Variants in HCRTR1 observed in about 807,000 individuals in gnomAD.
HCRTR1 encodes the protein orexin/Hypocretin receptor type 1.
A neutral mutation model predicts 40.6 loss-of-function variants in HCRTR1; 28 were observed. That is an observed-to-expected ratio of 0.69 (90% CI 0.51 to 0.95). HCRTR1 has a LOEUF of 0.95. Ranked by LOEUF, HCRTR1 falls within the 40% of genes least tolerant of loss-of-function variation. The pLI, the probability that HCRTR1 is intolerant of heterozygous loss-of-function variation, is 0.00. For missense variants in HCRTR1, 482 were observed against 564.7 expected (o/e 0.85, Z 1.48); for synonymous variants, 209 against 230.0 (o/e 0.91, Z 0.83).
chr1:31,619,327 T>G lies in HCRTR1; in HGVS notation c.135T>G (p.Tyr45Ter), dbSNP rs753494411. ...GCGATTATCTGTACCCAAAACAGTATGAGTGGGTCCTCATCGCAGCCTATG... is the reference window on the plus strand; with the variant it reads ...GCGATTATCTGTACCCAAAACAGTAGGAGTGGGTCCTCATCGCAGCCTATG... ...LWRDYLYPKQ[Y>*]EWVLIAAYVA... Residue 45 changes from tyrosine to a stop codon, truncating the protein, a stop_gained, in exon 3 of 9, where the codon TAT becomes TAG. Transcript: ENST00000403528. LOFTEE classifies it high-confidence loss of function. 4 of 1,614,228 alleles carry G rather than the reference T, an allele frequency of 2.5e-6. No individual in the cohort carries two copies. The highest frequency in any genetic ancestry group is 2.5e-6 in the Non-Finnish European group (3 of 1,180,036).
chr1:31,633,547 A>T (rs1021936632), downstream of HCRTR1, among the ~76,000 whole-genome samples: 16 of 152,176 alleles, frequency 1.1e-4, no homozygotes, highest in Non-Finnish European at 2.1e-4. Context: ...AGTGTTCCAG[A>T]CACTACTCTT....
chr1:31,620,579 C>A (rs1216754514), intron 4 of HCRTR1, among the ~76,000 whole-genome samples: 1 of 152,214 alleles, frequency 6.6e-6, no homozygotes, highest in Admixed American at 6.5e-5. Context: ...GAGGGGTGCA[C>A]CTACCATGTG....
At position 31,626,324 on chromosome 1, in the gene HCRTR1, C is replaced by T. The variant is rs919390685; in HGVS notation, c.1088-466C>T. On this transcript the variant is annotated intron_variant, in intron 8 of 8. Coordinates refer to ENST00000403528, the MANE Select transcript of HCRTR1 (RefSeq NM_001525.3). The surrounding 1 kb of genome is among the most constrained non-coding windows in gnomAD (Gnocchi z 4.6). ...TGAAGTGAGGATAAAGGACTCCAGC[C>T]TTTCAGGGTGCTGGGATGCTCTGGC... 3.9e-5 allele frequency among the ~76,000 whole-genome samples: 6 copies of T among 152,218 alleles called. No individual in the cohort carries two copies. The highest frequency in any genetic ancestry group is 5.9e-5 in the Non-Finnish European group (4 of 68,052).
downstream of HCRTR1, chr1:31,632,224 C>T: frequency 1.6e-6 from 1 of 632,126 alleles, no homozygotes; most frequent in Non-Finnish European, 2.9e-6. Flanking sequence ...AAGTTTCCAT[C>T]CTTAAGGCTC....
At position 31,621,077 on chromosome 1, in the gene HCRTR1, C is replaced by T. The variant is rs1295959296; in HGVS notation, c.613C>T (p.Arg205Cys). The change falls in exon 5 of 9, where the codon CGC (arginine) becomes TGC (cysteine). Residue 205 changes from arginine (R) to cysteine (C), a missense_variant. Physicochemically the swap from Arg to Cys is radical, Grantham distance 180 (BLOSUM62 -3). Transcript: ENST00000403528. Reference sequence around the variant, plus strand: ...ACGGCTCTTCTCAGTCTGTGATGAACGCTGGGCAGGTAATGGTGGAAGCCT... The same window carrying T: ...ACGGCTCTTCTCAGTCTGTGATGAATGCTGGGCAGGTAATGGTGGAAGCCT... ...RTRLFSVCDE[R>C]WADDLYPKIY... The T allele has an allele frequency of 6.9e-6, 11 of 1,604,640 alleles. No homozygotes were observed. Among genetic ancestry groups the T allele is most frequent in the South Asian group, 4.4e-5 (4 of 91,012 alleles).
At position 31,625,165 on chromosome 1, in the gene HCRTR1, A is replaced by C; in HGVS notation, c.1087+47A>C. The C allele has an allele frequency of 6.5e-7, 1 of 1,540,224 alleles. No individual in the cohort carries two copies. Among genetic ancestry groups the C allele is most frequent in the Non-Finnish European group, 8.8e-7 (1 of 1,135,884 alleles). ...AATGACTGAGGGTGGCCAACAGTCC[A>C]CATGACAAGTCTCCCCATCCCCAAG... On this transcript the variant is annotated intron_variant, in intron 8 of 8. Coordinates refer to ENST00000403528, the MANE Select transcript of HCRTR1 (RefSeq NM_001525.3). The surrounding 1 kb of genome is among the most constrained non-coding windows in gnomAD (Gnocchi z 4.2).
chr1:31,624,342 C>G (rs1433716375), intron 7 of HCRTR1, among the ~76,000 whole-genome samples: 2 of 149,282 alleles, frequency 1.3e-5, no homozygotes, highest in African/African-American at 5.0e-5. Flanking sequence ...GCCTGTAGTT[C>G]TAGCTACACA....
At chr1:31,623,826 C>A in intron 7 of HCRTR1, 77 bp downstream of exon 7, 1 of 1,029,974 alleles carries the variant, frequency 9.7e-7, no homozygotes, top group Non-Finnish European at 1.5e-6. Flanking sequence ...GGGAGAAAGA[C>A]CTGGCTCCAC....
chr1:31,630,693 C>T (rs745659069), downstream of HCRTR1: 2 of 1,614,002 alleles, frequency 1.2e-6, no homozygotes, highest in South Asian at 1.1e-5. Flanking sequence ...GTGTCCTTCT[C>T]CCGGAAGGCC....
intron 1 of HCRTR1, among the ~76,000 whole-genome samples, chr1:31,618,390 G>A (rs1372164104): frequency 1.3e-5 from 2 of 152,116 alleles, no homozygotes; most frequent in Admixed American, 6.5e-5. Flanking sequence ...CCCCTTGCTC[G>A]CAAGGGGTCG....
chr1:31,624,448 CAAAAAAAAAAAA>C (rs11438872), intron 7 of HCRTR1, among the ~76,000 whole-genome samples: 9 of 110,990 alleles, frequency 8.1e-5, no homozygotes, highest in Admixed American at 9.1e-5. Context: ...ACAGCTGTCT[CAAAAAAAAAAAA>C]AAAAAAAAAA....
rs1336940430 is a variant in HCRTR1, at chr1:31,626,878, C to G, written c.1176C>G (p.Arg392=). Residue 392 remains arginine, a synonymous_variant, in exon 9 of 9, where the codon CGC becomes CGG. Transcript: ENST00000403528. The surrounding 1 kb of genome is among the most constrained non-coding windows in gnomAD (Gnocchi z 4.6). ...GCTCTCTGAAGGCCCCTAGTCCCCG[C>G]TCCTCTGCCAGCCACAAGTCCTTGT... ...PCGSLKAPSP[R]SSASHKSLSL... is the part of the protein sequence containing the mutation. 1.9e-6 allele frequency: 3 copies of G among 1,614,086 alleles called. No individual in the cohort carries two copies. The highest frequency in any genetic ancestry group is 1.7e-6 in the Non-Finnish European group (2 of 1,180,038).
chr1:31,632,245 G>T, downstream of HCRTR1: 3 of 664,506 alleles, frequency 4.5e-6, no homozygotes, highest in South Asian at 5.1e-5. Context: ...CCTGTGGCTG[G>T]GGCCGTCTCA....
At chr1:31,633,133 G>C, downstream of HCRTR1, 1 of 1,602,976 alleles carries the variant, frequency 6.2e-7, no homozygotes, top group South Asian at 1.1e-5. Flanking sequence ...CCCCAGCTCA[G>C]GCCCAAGGGC....
intron 4 of HCRTR1, 67 bp from the exon 5 acceptor site, chr1:31,620,776 T>G: frequency 6.4e-7 from 1 of 1,569,172 alleles, no homozygotes; most frequent in South Asian, 1.2e-5. Flanking sequence ...GTCAGCCTCC[T>G]CACTCACCTA....
intron 6 of HCRTR1, among the ~76,000 whole-genome samples, chr1:31,623,197 C>T (rs538587647): frequency 3.3e-5 from 5 of 151,108 alleles, no homozygotes; most frequent in South Asian, 2.1e-4. Flanking sequence ...GGTGTGGTGG[C>T]GCACACCTGT....
downstream of HCRTR1, chr1:31,632,494 C>A: frequency 6.2e-7 from 1 of 1,614,246 alleles, no homozygotes; most frequent in Non-Finnish European, 8.5e-7. Flanking sequence ...ATGACCCGCA[C>A]CTTGCTGCAG....
In HCRTR1 at chr1:31,619,518, G is replaced by C; in HGVS notation, c.200-14G>C. On this transcript the variant is annotated splice_polypyrimidine_tract_variant and intron_variant, in intron 3 of 8. Coordinates refer to ENST00000403528, the MANE Select transcript of HCRTR1 (RefSeq NM_001525.3). Reference sequence around the variant, plus strand: ...GTGGCTCTGCCACCAGCTTCACCTCGCTGCACCCTGCAGTCTGCCTGGCCG... The same window carrying C: ...GTGGCTCTGCCACCAGCTTCACCTCCCTGCACCCTGCAGTCTGCCTGGCCG... The C allele has an allele frequency of 1.2e-6, 2 of 1,613,816 alleles. No homozygotes were observed. The highest frequency in any genetic ancestry group is 2.2e-5 in the East Asian group (1 of 44,862).
At chr1:31,622,709 A>C (rs1639883642) in intron 6 of HCRTR1, among the ~76,000 whole-genome samples, 1 of 152,146 alleles carries the variant, frequency 6.6e-6, no homozygotes, top group Admixed American at 6.5e-5. Context: ...GTCCGGTGGC[A>C]GGAGAGGCTT....
Sources: allele counts gnomAD v4.1 joint callset (sites outside exome capture counted in the v4.1 genomes callset), GRCh38; gene constraint gnomAD v4.1.1; non-coding constraint Gnocchi (gnomAD v3.1); transcripts MANE v1.5; gene names NCBI Gene and HGNC (gene_info 2026-07-23, HGNC 2026-07-21).